RIMS1: variants seen among roughly 807,000 people sequenced by gnomAD.
RIMS1 encodes regulating synaptic membrane exocytosis 1.
Under a neutral mutation model 214.1 loss-of-function variants are expected in RIMS1, and 83 were observed. The observed-to-expected ratio is 0.39, with a 90% confidence interval of 0.32 to 0.47. RIMS1 has a LOEUF of 0.47. Ranked by LOEUF, RIMS1 falls within the 20% of genes least tolerant of loss-of-function variation. The pLI, the probability that RIMS1 is intolerant of heterozygous loss-of-function variation, is 0.99. For missense variants in RIMS1, 2,050 were observed against 2,161.8 expected, an observed-to-expected ratio of 0.95 and a Z score of 1.03; for synonymous variants, 793 against 786.8, an observed-to-expected ratio of 1.01 and a Z score of -0.13.
intron 2 of RIMS1, among the ~76,000 whole-genome samples, chr6:72,069,229 G>T (rs1164341514): frequency 1.3e-5 from 2 of 152,316 alleles, no homozygotes; most frequent in South Asian, 2.1e-4. Flanking sequence ...TGCTGTAGGA[G>T]ATGCCAGTGG....
intron 4 of RIMS1, among the ~76,000 whole-genome samples, chr6:72,171,062 A>G (rs369840668): frequency 1.4e-4 from 22 of 151,978 alleles, no homozygotes; most frequent in Middle Eastern, 3.2e-3. Context: ...GCAAATAAGG[A>G]TTCAGGACTA....
intron 2 of RIMS1, among the ~76,000 whole-genome samples, chr6:72,064,482 T>C (rs865905376): frequency 6.6e-6 from 1 of 152,054 alleles, no homozygotes; most frequent in African/African-American, 2.4e-5. Context: ...TAACACTCTG[T>C]CCTCTGGGAG....
chr6:72,054,054 T>A (rs1312949065), intron 2 of RIMS1, among the ~76,000 whole-genome samples: 1 of 152,116 alleles, frequency 6.6e-6, no homozygotes, highest in East Asian at 1.9e-4. Flanking sequence ...TAGCTATTTG[T>A]CCTAATTGCT....
At chr6:71,986,493 G>A (rs775260898) in intron 2 of RIMS1, among the ~76,000 whole-genome samples, 7 of 152,276 alleles carry the variant, frequency 4.6e-5, no homozygotes, top group South Asian at 2.1e-4. Context: ...ATGCCTTGTC[G>A]TGGGGAGAAG....
chr6:72,019,270 T>G (rs1021161037), intron 2 of RIMS1, among the ~76,000 whole-genome samples: 1 of 124,956 alleles, frequency 8.0e-6, no homozygotes, highest in Non-Finnish European at 1.8e-5. Flanking sequence ...ATTTAGAAGT[T>G]TATTTAGGCA....
At chr6:72,048,624 TG>T (rs1823737577) in intron 2 of RIMS1, among the ~76,000 whole-genome samples, 1 of 152,180 alleles carries the variant, frequency 6.6e-6, no homozygotes. Flanking sequence ...CTGGACCTGG[TG>T]GATGAGGTGT....
chr6:72,086,479 T>G (rs1303327815), intron 2 of RIMS1, among the ~76,000 whole-genome samples: 1 of 152,170 alleles, frequency 6.6e-6, no homozygotes, highest in African/African-American at 2.4e-5. Context: ...TTGCAATTGC[T>G]TCTTTTTGCA....
At chr6:72,153,788 T>G (rs2044055411) in intron 4 of RIMS1, among the ~76,000 whole-genome samples, 1 of 152,200 alleles carries the variant, frequency 6.6e-6, no homozygotes, top group African/African-American at 2.4e-5. Flanking sequence ...TCTTAAATAT[T>G]TTGAGAAATC....
intron 1 of RIMS1, among the ~76,000 whole-genome samples, chr6:71,895,574 T>C (rs1397590931): frequency 6.8e-6 from 1 of 147,260 alleles, no homozygotes; most frequent in Non-Finnish European, 1.5e-5. Context: ...CTTGGGAGGC[T>C]GAGGCAGGAG....
intron 2 of RIMS1, among the ~76,000 whole-genome samples, chr6:72,007,729 G>A (rs1305185469): frequency 1.3e-5 from 2 of 152,160 alleles, no homozygotes; most frequent in Non-Finnish European, 2.9e-5. Flanking sequence ...TATCGGTGAT[G>A]GAAGATCAAA....
intron 19 of RIMS1, chr6:72,263,467 T>A (rs887781508): frequency 3.2e-5 from 31 of 979,884 alleles, no homozygotes; most frequent in Non-Finnish European, 3.6e-5. Flanking sequence ...AGCCAATAAG[T>A]GGCAAAGCCA....
intron 1 of RIMS1, among the ~76,000 whole-genome samples, chr6:71,954,892 C>A (rs940703650): frequency 8.6e-5 from 13 of 151,452 alleles, no homozygotes; most frequent in African/African-American, 2.9e-4. Flanking sequence ...CACACACACA[C>A]ACCTAGAGGT....
intron 4 of RIMS1, among the ~76,000 whole-genome samples, chr6:72,144,784 C>T (rs901850496): frequency 6.6e-6 from 1 of 152,012 alleles, no homozygotes; most frequent in Non-Finnish European, 1.5e-5. Flanking sequence ...GATTGGTTCA[C>T]AGGAATGAGG....
At chr6:72,337,989 A>G (rs1564236354) in intron 29 of RIMS1, among the ~76,000 whole-genome samples, 1 of 151,488 alleles carries the variant, frequency 6.6e-6, no homozygotes. Flanking sequence ...CCAATCTATC[A>G]TTGTTGGACA....
chr6:72,266,479 T>A (rs1377529232), intron 22 of RIMS1, among the ~76,000 whole-genome samples: 1 of 152,136 alleles, frequency 6.6e-6, no homozygotes, highest in African/African-American at 2.4e-5. Context: ...TATAAACTCA[T>A]AACAGGAAGT....
chr6:71,914,950 C>T (rs1437078016), intron 1 of RIMS1, among the ~76,000 whole-genome samples: 2 of 152,054 alleles, frequency 1.3e-5, no homozygotes, highest in Admixed American at 6.6e-5. Flanking sequence ...ATCAGAGTAC[C>T]TTAAATACAG....
At chr6:72,373,639 C>T (rs1445730315) in intron 29 of RIMS1, among the ~76,000 whole-genome samples, 1 of 152,166 alleles carries the variant, frequency 6.6e-6, no homozygotes, top group African/African-American at 2.4e-5. Context: ...ATTCTTATCT[C>T]ACATTTTGTT....
chr6:72,184,634 A>C (rs72940794), intron 6 of RIMS1, among the ~76,000 whole-genome samples: 27,666 of 152,162 alleles, frequency 0.18, 3,048 homozygotes, highest in Non-Finnish European at 0.25. Flanking sequence ...TTTGGCTTTT[A>C]AAAAATGTCA....
intron 4 of RIMS1, among the ~76,000 whole-genome samples, chr6:72,110,737 A>G (rs891474730): frequency 9.9e-5 from 15 of 152,080 alleles, no homozygotes; most frequent in Middle Eastern, 3.4e-3. Flanking sequence ...TTCCAACACT[A>G]TGTTGAATAG....
Sources: allele counts gnomAD v4.1 joint callset (sites outside exome capture counted in the v4.1 genomes callset), GRCh38; gene constraint gnomAD v4.1.1; transcripts MANE v1.5; gene names NCBI Gene and HGNC (gene_info 2026-07-23, HGNC 2026-07-21).